ASTN2: variants seen among roughly 807,000 people sequenced by gnomAD.
ASTN2 encodes astrotactin-2.
ASTN2 carries 54 observed loss-of-function variants against 139.8 expected under a neutral mutation model. The observed-to-expected ratio is 0.39, with a 90% CI of 0.31 to 0.48. ASTN2 has a LOEUF of 0.48. Ranked by LOEUF, ASTN2 falls within the 20% of genes least tolerant of loss-of-function variation. The pLI is 0.95. For missense variants in ASTN2, 1,565 were observed against 1,725.1 expected (o/e 0.91, Z 1.64); for synonymous variants, 756 against 719.5 (o/e 1.05, Z -0.81).
chr9:117,324,594 G>A (rs1288506529), intron 1 of ASTN2, among the ~76,000 whole-genome samples: 1 of 152,138 alleles, frequency 6.6e-6, no homozygotes, highest in Admixed American at 6.5e-5. Context: ...TTGACATGTG[G>A]GGATTATGGG....
chr9:117,394,047 T>G (rs1454932108), intron 1 of ASTN2, among the ~76,000 whole-genome samples: 1 of 152,332 alleles, frequency 6.6e-6, no homozygotes, highest in South Asian at 2.1e-4. Context: ...ACCCTTGGTG[T>G]CTTTTCAAAA....
At chr9:116,660,064 T>G (rs555867650) in intron 16 of ASTN2, among the ~76,000 whole-genome samples, 1 of 152,192 alleles carries the variant, frequency 6.6e-6, no homozygotes, top group African/African-American at 2.4e-5. Context: ...TAGATGAAAT[T>G]CCTATCCCAG....
At chr9:116,777,174 A>G (rs2132196905) in intron 13 of ASTN2, among the ~76,000 whole-genome samples, 1 of 151,770 alleles carries the variant, frequency 6.6e-6, no homozygotes, top group South Asian at 2.1e-4. Context: ...AGGGCCAGAG[A>G]CTCTCACCCC....
chr9:116,602,316 A>G (rs1165485341), intron 19 of ASTN2, among the ~76,000 whole-genome samples: 6 of 152,168 alleles, frequency 3.9e-5, no homozygotes, highest in Non-Finnish European at 1.5e-5. Context: ...TGGAAGATGC[A>G]ATGTTTTGTT....
intron 20 of ASTN2, among the ~76,000 whole-genome samples, chr9:116,485,485 T>C (rs559674946): frequency 2.0e-5 from 3 of 152,380 alleles, no homozygotes; most frequent in East Asian, 1.9e-4. Flanking sequence ...TGTAGTCACA[T>C]ACTTGTGTTT....
At chr9:116,875,038 T>C (rs977436701) in intron 10 of ASTN2, among the ~76,000 whole-genome samples, 1 of 152,202 alleles carries the variant, frequency 6.6e-6, no homozygotes, top group Non-Finnish European at 1.5e-5. Flanking sequence ...GGCCTATTAA[T>C]AACCCTACAA....
intron 2 of ASTN2, among the ~76,000 whole-genome samples, chr9:117,225,973 T>C (rs1292085837): frequency 6.6e-6 from 1 of 152,162 alleles, no homozygotes; most frequent in Admixed American, 6.5e-5. Flanking sequence ...TCACAGTTGG[T>C]TTGTGGCAAC....
intron 1 of ASTN2, among the ~76,000 whole-genome samples, chr9:117,347,873 C>T (rs17320302): frequency 0.47 from 71,116 of 151,892 alleles, 17,992 homozygotes; most frequent in East Asian, 0.94. Flanking sequence ...GGCCTAGGGA[C>T]CTAAGTGTTA....
intron 10 of ASTN2, among the ~76,000 whole-genome samples, chr9:116,897,969 G>C (rs1195681874): frequency 6.6e-6 from 1 of 152,110 alleles, no homozygotes; most frequent in Non-Finnish European, 1.5e-5. Flanking sequence ...AATGTGGATG[G>C]GGTAGTCAGA....
Position 116,847,443 on chromosome 9 carries a change from G to A in ASTN2, c.2040+16140C>T, listed in dbSNP as rs117687463. Among the ~76,000 whole-genome samples the A allele has an allele frequency of 3.3e-3, 504 of 152,290 alleles. 1 individual carries two copies. Among genetic ancestry groups the A allele is most frequent in the Middle Eastern group, 0.014 (4 of 294 alleles). On this transcript the variant is annotated intron_variant, in intron 11 of 22. Transcript: ENST00000313400. ...ATTTTTATAAGCACCAAGGGCTGAGGCAAGGGAGGCCAGGGAACACTTTCC... is the reference window on the plus strand; with the variant it reads ...ATTTTTATAAGCACCAAGGGCTGAGACAAGGGAGGCCAGGGAACACTTTCC...
chr9:116,742,552 G>A (rs886989996), intron 13 of ASTN2, among the ~76,000 whole-genome samples: 1 of 152,076 alleles, frequency 6.6e-6, no homozygotes, highest in Non-Finnish European at 1.5e-5. Context: ...ATACGGGTGA[G>A]CAGGGGTGAT....
At chr9:117,037,841 C>A (rs971106975) in intron 6 of ASTN2, among the ~76,000 whole-genome samples, 4 of 152,126 alleles carry the variant, frequency 2.6e-5, no homozygotes, top group African/African-American at 9.7e-5. Flanking sequence ...TCTGACAATT[C>A]TTCTAGCTGC....
chr9:116,497,853 A>G (rs560628388), intron 19 of ASTN2, among the ~76,000 whole-genome samples: 1 of 152,242 alleles, frequency 6.6e-6, no homozygotes, highest in East Asian at 1.9e-4. Flanking sequence ...TTCCTTTTTA[A>G]AATTCCATTC....
intron 13 of ASTN2, among the ~76,000 whole-genome samples, chr9:116,746,895 G>C (rs1427790254): frequency 6.6e-6 from 1 of 152,142 alleles, no homozygotes; most frequent in East Asian, 1.9e-4. Context: ...CGCAGTGTCT[G>C]ATGCATGCAC....
intron 10 of ASTN2, among the ~76,000 whole-genome samples, chr9:116,904,742 T>C (rs1346076934): frequency 6.6e-6 from 1 of 152,216 alleles, no homozygotes; most frequent in Non-Finnish European, 1.5e-5. Flanking sequence ...CAGAAAGACC[T>C]AGGCCATTTC....
chr9:116,994,309 T>C (rs889904160), intron 7 of ASTN2, among the ~76,000 whole-genome samples: 2 of 152,196 alleles, frequency 1.3e-5, no homozygotes, highest in African/African-American at 4.8e-5. Context: ...AAAACAGCAG[T>C]TGGCCTATAG....
intron 5 of ASTN2, among the ~76,000 whole-genome samples, chr9:117,094,438 C>A (rs1331465940): frequency 6.6e-6 from 1 of 152,070 alleles, no homozygotes; most frequent in African/African-American, 2.4e-5. Context: ...CTGAGGGGAC[C>A]CATTGACTTC....
chr9:117,274,436 A>C (rs1834137763), intron 2 of ASTN2, among the ~76,000 whole-genome samples: 1 of 152,144 alleles, frequency 6.6e-6, no homozygotes, highest in South Asian at 2.1e-4. Context: ...AGGAATCTCT[A>C]ATCTGTAGGG....
At position 117,004,704 on chromosome 9, in the gene ASTN2, C is replaced by T. The variant is rs182264384; in HGVS notation, c.1591+3388G>A. Reference sequence around the variant, plus strand: ...CATGGTATTCACGTAACCAGTTTTTCGTGCAAGCCAGCCAGACTCTTGTGA... The same window carrying T: ...CATGGTATTCACGTAACCAGTTTTTTGTGCAAGCCAGCCAGACTCTTGTGA... On this transcript the variant is annotated intron_variant, in intron 7 of 22. Transcript: ENST00000313400. Among the ~76,000 whole-genome samples the T allele has an allele frequency of 1.2e-4, 19 of 152,252 alleles. 1 individual carries two copies. Among genetic ancestry groups the T allele is most frequent in the East Asian group, 7.7e-4 (4 of 5,176 alleles).
Sources: allele counts gnomAD v4.1 joint callset (sites outside exome capture counted in the v4.1 genomes callset), GRCh38; gene constraint gnomAD v4.1.1; transcripts MANE v1.5; gene names NCBI Gene and HGNC (gene_info 2026-07-23, HGNC 2026-07-21).